Variants in RAP1GAP2 observed in about 807,000 individuals in gnomAD.
RAP1GAP2 encodes the protein rap1 GTPase-activating protein 2.
Under a neutral mutation model 95.0 loss-of-function variants are expected in RAP1GAP2, and 27 were observed. The ratio of observed to expected loss-of-function variants is 0.28; its 90% CI spans 0.21 to 0.39. The LOEUF (loss-of-function observed/expected upper bound fraction) is 0.39, where lower values mean the gene tolerates loss of function less well. Ranked by LOEUF, RAP1GAP2 falls within the 10% of genes least tolerant of loss-of-function variation. The pLI, the probability that RAP1GAP2 is intolerant of heterozygous loss-of-function variation, is 1.00. For missense variants in RAP1GAP2, 771 were observed against 970.0 expected (o/e 0.79, Z 2.72); for synonymous variants, 373 against 380.9 (o/e 0.98, Z 0.24).
chr17:2,968,976 ATATTT>A (rs2044731487), intron 8 of RAP1GAP2, among the ~76,000 whole-genome samples: 1 of 152,026 alleles, frequency 6.6e-6, no homozygotes, highest in African/African-American at 2.4e-5. Context: ...ATCAATAATG[ATATTT>A]TATATTGTCA....
At chr17:3,028,895 G>T (rs1394097396) in intron 22 of RAP1GAP2, among the ~76,000 whole-genome samples, 1 of 152,130 alleles carries the variant, frequency 6.6e-6, no homozygotes. Context: ...CCGCCTCCCA[G>T]GTTCAAGTGA....
intron 13 of RAP1GAP2, 82 bp downstream of exon 13, chr17:2,995,548 T>C: frequency 1.3e-6 from 2 of 1,559,340 alleles, no homozygotes; most frequent in Non-Finnish European, 1.8e-6. Flanking sequence ...TAAGAGGCTG[T>C]GGCCGTCCCC....
chr17:2,994,038 CCT>C (rs1209000416), intron 12 of RAP1GAP2, among the ~76,000 whole-genome samples: 6 of 152,096 alleles, frequency 3.9e-5, no homozygotes, highest in African/African-American at 1.4e-4. Flanking sequence ...AGAGTGAACC[CCT>C]GACTGAAACC....
At chr17:3,020,411 G>A in intron 18 of RAP1GAP2, 66 bp from the exon 19 acceptor site, 1 of 1,280,810 alleles carries the variant, frequency 7.8e-7, no homozygotes, top group Middle Eastern at 1.8e-4. Context: ...GACCAGGGAG[G>A]AGGATGAGGG....
At chr17:2,803,564 G>T (rs1346369255) in intron 2 of RAP1GAP2, among the ~76,000 whole-genome samples, 2 of 152,230 alleles carry the variant, frequency 1.3e-5, no homozygotes, top group East Asian at 3.9e-4. Context: ...CAAAGTTGGT[G>T]CACTCATTCT....
In RAP1GAP2 at chr17:2,909,595, C is replaced by T. The variant is rs1025261193; in HGVS notation, c.165+4227C>T. Among the ~76,000 whole-genome samples, 10 of 152,358 alleles carry T rather than the reference C, an allele frequency of 6.6e-5. No individual in the cohort carries two copies. The East Asian group carries it at 7.7e-4, about 12-fold the overall frequency. On this transcript the variant is annotated intron_variant, in intron 3 of 24. Coordinates refer to ENST00000254695, the MANE Select transcript of RAP1GAP2 (RefSeq NM_015085.5). Reference sequence around the variant, plus strand: ...ATCCACTGGGTGCCTGCCCCTGCTGCGCTCTCCCATGACAGGCTGTCGGGA... The same window carrying T: ...ATCCACTGGGTGCCTGCCCCTGCTGTGCTCTCCCATGACAGGCTGTCGGGA...
chr17:2,826,433 G>A (rs1429633647), intron 2 of RAP1GAP2, among the ~76,000 whole-genome samples: 1 of 152,088 alleles, frequency 6.6e-6, no homozygotes, highest in East Asian at 1.9e-4. Flanking sequence ...AGCCAGAGGC[G>A]AGGGTGGGGA....
At chr17:2,842,054 G>A (rs1022575820) in intron 2 of RAP1GAP2, among the ~76,000 whole-genome samples, 116 of 152,138 alleles carry the variant, frequency 7.6e-4, no homozygotes, top group African/African-American at 2.6e-3. Context: ...GGGTCCTTCC[G>A]CCCATGTTAT....
intron 11 of RAP1GAP2, among the ~76,000 whole-genome samples, chr17:2,985,486 G>A (rs1449917955): frequency 1.3e-5 from 2 of 152,156 alleles, no homozygotes; most frequent in Admixed American, 6.5e-5. Flanking sequence ...AGCTGGGTGC[G>A]TCTCTTCACA....
chr17:2,982,425 C>G (rs1487176918), intron 10 of RAP1GAP2, among the ~76,000 whole-genome samples: 2 of 152,230 alleles, frequency 1.3e-5, no homozygotes, highest in Non-Finnish European at 2.9e-5. Flanking sequence ...GCGTGAGCCA[C>G]CTCGCCCGGC....
rs1008022479 is a variant in RAP1GAP2 at position 2,866,578 on chromosome 17, G to A, written c.81-38706G>A. ...ATACCCCCAAATGTCCCTTCTGATT[G>A]GTAATTTATTTTATTTATTTATTTT... On this transcript the variant is annotated intron_variant, in intron 2 of 24. Transcript: ENST00000254695. This position sits in a 1 kb window ranked among gnomAD's most constrained non-coding sequence, Gnocchi z 4.0. Among the ~76,000 whole-genome samples, 5 of 152,120 alleles carry A rather than the reference G, an allele frequency of 3.3e-5. No individual in the cohort carries two copies. The highest frequency in any genetic ancestry group is 7.4e-5 in the Non-Finnish European group (5 of 68,016).
At chr17:2,981,132 A>G in intron 9 of RAP1GAP2, 63 bp from the exon 10 acceptor site, 1 of 1,491,324 alleles carries the variant, frequency 6.7e-7, no homozygotes, top group East Asian at 2.3e-5. Context: ...CCAGGTGGGC[A>G]GAGGAGCCCA....
At chr17:2,990,753 T>G (rs1287305206) in intron 11 of RAP1GAP2, among the ~76,000 whole-genome samples, 1 of 152,192 alleles carries the variant, frequency 6.6e-6, no homozygotes, top group Non-Finnish European at 1.5e-5. Context: ...TGCCTTTTAT[T>G]GCCTTTATTT....
chr17:2,990,589 C>G (rs1027149491), intron 11 of RAP1GAP2, among the ~76,000 whole-genome samples: 2 of 152,176 alleles, frequency 1.3e-5, no homozygotes, highest in Non-Finnish European at 1.5e-5. Flanking sequence ...TCGGGACCTG[C>G]CTGGGAGTGC....
intron 2 of RAP1GAP2, among the ~76,000 whole-genome samples, chr17:2,801,031 G>C (rs1167721754): frequency 1.3e-5 from 2 of 150,724 alleles, no homozygotes; most frequent in African/African-American, 4.9e-5. Flanking sequence ...TGTATTTTTA[G>C]TAGAGACGGA....
At chr17:2,832,359 T>C (rs112177626) in intron 2 of RAP1GAP2, among the ~76,000 whole-genome samples, 18,608 of 150,570 alleles carry the variant, frequency 0.12, 2,095 homozygotes, top group African/African-American at 0.29. Flanking sequence ...GAGATCGAGA[T>C]CATCCTGGCT....
At chr17:2,760,254 C>T (rs2071216839) in intron 1 of RAP1GAP2, among the ~76,000 whole-genome samples, 1 of 127,684 alleles carries the variant, frequency 7.8e-6, no homozygotes, top group African/African-American at 3.1e-5. Context: ...GATCGCGCCA[C>T]TGCACTCCAA....
intron 1 of RAP1GAP2, among the ~76,000 whole-genome samples, chr17:2,799,060 A>T (rs908837162): frequency 5.9e-5 from 9 of 152,240 alleles, no homozygotes; most frequent in African/African-American, 2.2e-4. Context: ...GGCTGTTGTA[A>T]GAATTAGGAG....
chr17:2,848,385 T>C (rs1001596452), intron 2 of RAP1GAP2, among the ~76,000 whole-genome samples: 2 of 152,082 alleles, frequency 1.3e-5, no homozygotes, highest in East Asian at 3.8e-4. Flanking sequence ...AACGACCCTA[T>C]TGTGGTGGGA....
Sources: gnomAD v4.1 joint callset for allele counts (sites outside exome capture counted in the v4.1 genomes callset) on GRCh38, gnomAD v4.1.1 for gene constraint, Gnocchi (gnomAD v3.1) non-coding constraint, MANE v1.5 for transcripts, NCBI Gene and HGNC (gene_info 2026-07-23, HGNC 2026-07-21) for gene names.